SLCO1B3: variants seen among roughly 807,000 people sequenced by gnomAD.
SLCO1B3 encodes solute carrier organic anion transporter family member 1B3.
SLCO1B3 carries 72 observed loss-of-function variants against 71.8 expected under a neutral mutation model. The observed-to-expected ratio is 1.00, with a 90% CI of 0.83 to 1.22. The LOEUF is 1.22. Among genes scored for constraint, SLCO1B3 ranks in the 50% most tolerant of loss-of-function variants. The pLI is 0.00. For synonymous variants in SLCO1B3, 298 were observed against 278.4 expected (o/e 1.07, Z -0.70); for missense variants, 911 against 819.7 (o/e 1.11, Z -1.36).
At chr12:20,863,004 T>C (rs1865301106) in intron 8 of SLCO1B3, 150 bp downstream of exon 8, 3 of 445,830 alleles carry the variant, frequency 6.7e-6, no homozygotes, top group Non-Finnish European at 1.2e-5. Context: ...ATAATCAGAA[T>C]AAAAAAGAAA....
At chr12:20,855,251 G>C in intron 4 of SLCO1B3, 82 bp downstream of exon 4, 1 of 1,197,120 alleles carries the variant, frequency 8.4e-7, no homozygotes, top group Non-Finnish European at 1.2e-6. Context: ...ATATCACTGG[G>C]TCTGGACTAG....
At chr12:20,892,797 G>A (rs1459527462) in intron 13 of SLCO1B3, among the ~76,000 whole-genome samples, 6 of 152,108 alleles carry the variant, frequency 3.9e-5, no homozygotes, top group East Asian at 1.9e-4. Context: ...AATATTGGAC[G>A]ATTGCCCTGG....
At chr12:20,901,972 C>A in intron 15 of SLCO1B3, 1 of 405,430 alleles carries the variant, frequency 2.5e-6, no homozygotes. Flanking sequence ...TGCAATTGTA[C>A]CTTACCTCTT....
intron 5 of SLCO1B3, among the ~76,000 whole-genome samples, chr12:20,859,820 TAC>T (rs1865217698): frequency 6.6e-6 from 1 of 152,202 alleles, no homozygotes; most frequent in South Asian, 2.1e-4. Flanking sequence ...CTGTTATTTC[TAC>T]AGACTTGAAT....
intron 3 of SLCO1B3, among the ~76,000 whole-genome samples, chr12:20,823,947 C>T (rs1214483368): frequency 6.6e-6 from 1 of 152,132 alleles, no homozygotes; most frequent in African/African-American, 2.4e-5. Context: ...TCATTCCAGT[C>T]AAGGACTTAG....
intron 8 of SLCO1B3, 68 bp downstream of exon 8, chr12:20,862,922 A>T: frequency 1.2e-6 from 1 of 817,886 alleles, no homozygotes; most frequent in Non-Finnish European, 2.0e-6. Flanking sequence ...CTTCCAAAGA[A>T]TTAAATTCAG....
At chr12:20,887,843 T>G (rs971652607) in intron 13 of SLCO1B3, among the ~76,000 whole-genome samples, 3 of 151,940 alleles carry the variant, frequency 2.0e-5, no homozygotes, top group Admixed American at 1.3e-4. Flanking sequence ...ACCCCTAGGA[T>G]TTTTATAGTT....
At chr12:20,906,460 A>T (rs1041612728) in intron 15 of SLCO1B3, among the ~76,000 whole-genome samples, 1 of 152,174 alleles carries the variant, frequency 6.6e-6, no homozygotes, top group Non-Finnish European at 1.5e-5. Context: ...ATAGAACTTT[A>T]CAACATAAAA....
rs1288839792 is a variant in SLCO1B3 at position 20,840,682 on chromosome 12, C to T, written c.85-14346C>T. Reference sequence around the variant, plus strand: ...TCAATTTTTAAAAAAATGTTTTTCTCCCTAGGCAGGATAGGATGGCTAGAG... The same window carrying T: ...TCAATTTTTAAAAAAATGTTTTTCTTCCTAGGCAGGATAGGATGGCTAGAG... On this transcript the variant is annotated intron_variant, in intron 3 of 15. Coordinates refer to ENST00000381545, the MANE Select transcript of SLCO1B3 (RefSeq NM_019844.4). 2.0e-5 allele frequency among the ~76,000 whole-genome samples: 3 copies of T among 152,190 alleles called. No homozygotes were observed. The East Asian group carries it at 5.8e-4, about 29-fold the overall frequency.
intron 8 of SLCO1B3, among the ~76,000 whole-genome samples, chr12:20,865,022 G>T (rs1056256305): frequency 8.6e-5 from 13 of 151,986 alleles, no homozygotes; most frequent in Admixed American, 8.5e-4. Flanking sequence ...TTTCTGATTG[G>T]TTTTCCAGAG....
intron 15 of SLCO1B3, among the ~76,000 whole-genome samples, chr12:20,908,301 A>G (rs942696193): frequency 6.6e-6 from 1 of 152,222 alleles, no homozygotes; most frequent in Admixed American, 6.5e-5. Flanking sequence ...GCTCCCGCAT[A>G]CATGCATAGC....
chr12:20,824,378 A>G (rs1212007915), intron 3 of SLCO1B3, among the ~76,000 whole-genome samples: 1 of 152,192 alleles, frequency 6.6e-6, no homozygotes, highest in Non-Finnish European at 1.5e-5. Context: ...ACATTTTCCT[A>G]TCTATTCCAA....
intron 12 of SLCO1B3, among the ~76,000 whole-genome samples, chr12:20,881,640 C>G (rs114000839): frequency 1.6e-4 from 25 of 152,146 alleles, no homozygotes; most frequent in African/African-American, 5.3e-4. Flanking sequence ...GCCAACATAT[C>G]CATTGGAAAT....
chr12:20,873,363 G>GTT (rs1865514170), intron 8 of SLCO1B3, among the ~76,000 whole-genome samples: 1 of 151,982 alleles, frequency 6.6e-6, no homozygotes, highest in South Asian at 2.1e-4. Flanking sequence ...TTTTGTTTTT[G>GTT]TTTGTTTTTG....
intron 13 of SLCO1B3, among the ~76,000 whole-genome samples, chr12:20,888,910 A>G (rs1458371146): frequency 6.6e-6 from 1 of 152,016 alleles, no homozygotes; most frequent in Non-Finnish European, 1.5e-5. Flanking sequence ...GCGATGCTGG[A>G]TTTTATCAAA....
chr12:20,913,618 C>A (rs1866430448), intron 15 of SLCO1B3, among the ~76,000 whole-genome samples: 1 of 152,036 alleles, frequency 6.6e-6, no homozygotes, highest in Non-Finnish European at 1.5e-5. Context: ...ATAGGTACTC[C>A]CATTTTCTTT....
intron 8 of SLCO1B3, among the ~76,000 whole-genome samples, chr12:20,864,938 CA>C (rs1865342391): frequency 1.3e-5 from 2 of 152,046 alleles, no homozygotes; most frequent in Non-Finnish European, 2.9e-5. Flanking sequence ...TCCCCATACA[CA>C]CTAAAACTCA....
chr12:20,898,497 C>A lies in SLCO1B3; in HGVS notation c.1744C>A (p.Leu582Ile). ...MGFQSMVIRT[L>I]GGILAPIYFG... is the part of the protein sequence containing the mutation. ...TTTCCAGTCAATGGTTATAAGAACA[C>A]TAGGTATGACAAATATATAGATTAT... The change falls in exon 14 of 16, where the codon CTA becomes ATA. Residue 582 changes from leucine to isoleucine, a missense_variant. Physicochemically the swap from Leu to Ile is conservative, Grantham distance 5 (BLOSUM62 2). Coordinates refer to ENST00000381545, the MANE Select transcript of SLCO1B3 (RefSeq NM_019844.4). 3 of 1,513,296 alleles carry A rather than the reference C, an allele frequency of 2.0e-6. No homozygotes were observed. The highest frequency in any genetic ancestry group is 2.3e-5 in the East Asian group (1 of 43,920). 93.7% of individuals were successfully genotyped at this position (1,513,296 alleles called of 1,614,324 possible).
At chr12:20,816,235 G>T (rs1864189911) in intron 3 of SLCO1B3, among the ~76,000 whole-genome samples, 1 of 151,998 alleles carries the variant, frequency 6.6e-6, no homozygotes, top group Non-Finnish European at 1.5e-5. Context: ...ATTTTAAAAG[G>T]TACAGTTAAG....
Sources: allele counts gnomAD v4.1 joint callset (sites outside exome capture counted in the v4.1 genomes callset), GRCh38; gene constraint gnomAD v4.1.1; transcripts MANE v1.5; gene names NCBI Gene and HGNC (gene_info 2026-07-23, HGNC 2026-07-21).